Variants in PKP2 observed in about 807,000 individuals in gnomAD.
PKP2 encodes plakophilin 2, also known as plakophilin-2.
PKP2 carries 73 observed loss-of-function variants against 83.4 expected under a neutral mutation model. The ratio of observed to expected loss-of-function variants is 0.88; its 90% CI spans 0.72 to 1.06. The LOEUF is 1.06. Among genes scored for constraint, PKP2 ranks in the 50% least tolerant of loss-of-function variants. The pLI is 0.00. For missense variants in PKP2, 966 were observed against 1,065.4 expected (o/e 0.91, Z 1.30); for synonymous variants, 409 against 430.4 (o/e 0.95, Z 0.62).
intron 9 of PKP2, among the ~76,000 whole-genome samples, chr12:32,818,259 C>T (rs1270699025): frequency 2.0e-5 from 3 of 152,168 alleles, no homozygotes; most frequent in Non-Finnish European, 4.4e-5. Flanking sequence ...GTCAGGAGTT[C>T]GAGACCAGCC....
intron 3 of PKP2, among the ~76,000 whole-genome samples, chr12:32,873,788 G>A (rs200643546): frequency 4.8e-4 from 72 of 151,220 alleles, no homozygotes; most frequent in Non-Finnish European, 9.0e-4. Context: ...CCTCGGCCTC[G>A]TAAAGTGCTG....
At chr12:32,797,010 A>G (rs1385896163) in intron 10 of PKP2, among the ~76,000 whole-genome samples, 2 of 152,224 alleles carry the variant, frequency 1.3e-5, no homozygotes, top group African/African-American at 4.8e-5. Context: ...TCCTTATAAT[A>G]GGACTATGAT....
intron 6 of PKP2, among the ~76,000 whole-genome samples, chr12:32,832,750 T>C (rs1416947614): frequency 6.6e-6 from 1 of 152,212 alleles, no homozygotes; most frequent in African/African-American, 2.4e-5. Context: ...GTAAATGCAT[T>C]TAGATTCTGA....
At chr12:32,810,251 T>C (rs1956265082) in intron 9 of PKP2, among the ~76,000 whole-genome samples, 2 of 152,242 alleles carry the variant, frequency 1.3e-5, no homozygotes, top group South Asian at 4.1e-4. Context: ...AATGAACAAG[T>C]AGAGCCTTGT....
chr12:32,863,004 GA>G (rs1956814748), intron 4 of PKP2: 1 of 152,446 alleles, frequency 6.6e-6, no homozygotes, highest in Non-Finnish European at 1.5e-5. Context: ...GTCTCATAAA[GA>G]AATAAAGAAA....
At chr12:32,817,513 T>C (rs1377490079) in intron 9 of PKP2, among the ~76,000 whole-genome samples, 1 of 152,220 alleles carries the variant, frequency 6.6e-6, no homozygotes, top group Non-Finnish European at 1.5e-5. Flanking sequence ...ATACCCACGT[T>C]TGTTACTTAT....
At chr12:32,856,805 A>G (rs1956754229) in intron 4 of PKP2, among the ~76,000 whole-genome samples, 1 of 151,938 alleles carries the variant, frequency 6.6e-6, no homozygotes, top group Non-Finnish European at 1.5e-5. Flanking sequence ...GTGTGAAATT[A>G]CCTGGGTGAA....
chr12:32,896,718 C>T lies in PKP2; in HGVS notation c.14G>A (p.Gly5Asp), dbSNP rs774778142. The change falls in exon 1 of 13, where the codon GGC (glycine) becomes GAC (aspartate). Residue 5 changes from glycine to aspartate, a missense_variant. By Grantham distance (94) the Gly-to-Asp change is moderately conservative. Coordinates refer to ENST00000340811, the MANE Select transcript of PKP2 (RefSeq NM_001005242.3). ...GATGTAGCCGTACTCAGCTGGGGCG[C>T]CGGGGGCTGCCATGGGGCCGGTGGG... MAAP[G>D]APAEYGYIRT... 2.2e-5 allele frequency: 32 copies of T among 1,469,536 alleles called. No homozygotes were observed. Among genetic ancestry groups the T allele is most frequent in the Middle Eastern group, 2.4e-4 (1 of 4,192 alleles). 91.0% of individuals were successfully genotyped at this position (1,469,536 alleles called of 1,614,324 possible). A position where few individuals can be genotyped will look rare whatever the true frequency, so the allele number is the denominator to read the frequency against.
At chr12:32,799,977 C>T (rs35826324) in intron 10 of PKP2, among the ~76,000 whole-genome samples, 1 of 152,104 alleles carries the variant, frequency 6.6e-6, no homozygotes, top group African/African-American at 2.4e-5. Flanking sequence ...GGAACTTGTC[C>T]TATGGTACAT....
intron 6 of PKP2, chr12:32,824,477 T>A: frequency 2.7e-6 from 1 of 363,742 alleles, no homozygotes; most frequent in Non-Finnish European, 5.3e-6. Flanking sequence ...TTTTTGCAAC[T>A]AGAACAAGAG....
rs542627430 is a variant in PKP2, at chr12:32,800,671, A to C, written c.2167+1732T>G. On this transcript the variant is annotated intron_variant, in intron 10 of 12. Transcript: ENST00000340811. ...TGAGGGAACGAGTCAATGCATGTTA[A>C]TTGTATTGCAGTACTGCGCATGTGG... Among the ~76,000 whole-genome samples the C allele has an allele frequency of 9.9e-5, 15 of 152,270 alleles. No individual in the cohort carries two copies. The South Asian group carries it at 3.1e-3, about 32-fold the overall frequency.
rs927358494 is a variant in PKP2, at chr12:32,791,871, A to G, written c.*553T>C. Reference sequence around the variant, plus strand: ...TTTATTTAAAAATCAGAGAAAAACAACCCAAGGGGATAAAAACAAGCACAA... The same window carrying G: ...TTTATTTAAAAATCAGAGAAAAACAGCCCAAGGGGATAAAAACAAGCACAA... On this transcript the variant is annotated 3_prime_UTR_variant, in exon 13 of 13. Coordinates refer to ENST00000340811, the MANE Select transcript of PKP2 (RefSeq NM_001005242.3). The G allele has an allele frequency of 6.1e-6, 1 of 162,914 alleles. No homozygotes were observed. The highest frequency in any genetic ancestry group is 2.4e-5 in the African/African-American group (1 of 41,500). The allele number at this position is 162,914 out of a possible 1,614,324, so 10.1% of individuals were successfully genotyped here.
intron 5 of PKP2, 51 bp downstream of exon 5, chr12:32,850,715 T>A: frequency 7.2e-7 from 1 of 1,397,250 alleles, no homozygotes; most frequent in Non-Finnish European, 1.0e-6. Flanking sequence ...ATGTAAGGCA[T>A]CTGGCTGGGG....
At chr12:32,836,075 T>G (rs1321756537) in intron 6 of PKP2, among the ~76,000 whole-genome samples, 2 of 152,082 alleles carry the variant, frequency 1.3e-5, no homozygotes, top group African/African-American at 2.4e-5. Flanking sequence ...CACACTGGAG[T>G]GTACAATTTA....
chr12:32,843,378 G>A lies in PKP2; in HGVS notation c.1379-2173C>T. 3 of 1,264,860 alleles carry A rather than the reference G, an allele frequency of 2.4e-6. No individual in the cohort carries two copies. In the South Asian group the frequency reaches 3.5e-5, roughly 15 times the overall value. The allele number at this position is 1,264,860 out of a possible 1,614,324, so 78.4% of individuals were successfully genotyped here. A position where few individuals can be genotyped will look rare whatever the true frequency, so the allele number is the denominator to read the frequency against. Reference sequence around the variant, plus strand: ...GCTCCTTTATGAACACAGCAAATGTGGCAGACTTGGCTGAACTATGTGGCA... The same window carrying A: ...GCTCCTTTATGAACACAGCAAATGTAGCAGACTTGGCTGAACTATGTGGCA... On this transcript the variant is annotated intron_variant, in intron 5 of 12. Transcript: ENST00000340811.
intron 1 of PKP2, among the ~76,000 whole-genome samples, chr12:32,888,305 C>T (rs1173638215): frequency 2.6e-5 from 4 of 152,184 alleles, no homozygotes; most frequent in African/African-American, 7.2e-5. Context: ...TGGCAAATAT[C>T]ACATTATACT....
intron 6 of PKP2, among the ~76,000 whole-genome samples, chr12:32,832,822 A>G (rs1264563992): frequency 6.6e-6 from 1 of 152,250 alleles, no homozygotes; most frequent in Non-Finnish European, 1.5e-5. Context: ...AAAAATAGCT[A>G]TTTGATAGTC....
chr12:32,875,422 G>A (rs1244903615), intron 3 of PKP2, among the ~76,000 whole-genome samples: 1 of 152,174 alleles, frequency 6.6e-6, no homozygotes, highest in South Asian at 2.1e-4. Flanking sequence ...GGTGGTTTGG[G>A]TATTGGTATG....
Position 32,850,975 on chromosome 12 carries a change from T to TG in PKP2, c.1171-3dup, listed in dbSNP as rs1178822334. The TG allele has an allele frequency of 6.2e-7, 1 of 1,613,048 alleles. No homozygotes were observed. Among genetic ancestry groups the TG allele is most frequent in the Non-Finnish European group, 8.5e-7 (1 of 1,179,378 alleles). On this transcript the variant is annotated splice_polypyrimidine_tract_variant and splice_region_variant and intron_variant, in intron 4 of 12. Transcript: ENST00000340811. ...GAGGATGCCACGAAGCTGGTTAACC[T>TG]GGGGAAGAAGCAGATGCATATTTCT...
Sources: gnomAD v4.1 joint callset for allele counts (sites outside exome capture counted in the v4.1 genomes callset) on GRCh38, gnomAD v4.1.1 for gene constraint, MANE v1.5 for transcripts, NCBI Gene and HGNC (gene_info 2026-07-23, HGNC 2026-07-21) for gene names.